The following DLG1 variants were observed in gnomAD, a reference collection of about 807,000 sequenced individuals.
The protein encoded by DLG1 is disks large homolog 1.
DLG1 carries 42 observed loss-of-function variants against 123.4 expected under a neutral mutation model. The ratio of observed to expected loss-of-function variants is 0.34; its 90% confidence interval spans 0.27 to 0.44. The LOEUF is 0.44. DLG1 is among the 20% of genes least tolerant of loss of function. The probability of loss-of-function intolerance (pLI) is 1.00; values close to 1 mark genes in which losing one functional copy is unlikely to be tolerated. For synonymous variants in DLG1, 317 were observed against 356.2 expected (o/e 0.89, Z 1.24); for missense variants, 942 against 1,082.6 (o/e 0.87, Z 1.82).
intron 5 of DLG1, among the ~76,000 whole-genome samples, chr3:197,172,945 C>A (rs1804998100): frequency 6.6e-6 from 1 of 152,148 alleles, no homozygotes. Flanking sequence ...ACTGAGGGCT[C>A]ATATTTAAAA....
chr3:197,221,517 T>G (rs1737026391), intron 4 of DLG1, among the ~76,000 whole-genome samples: 1 of 149,514 alleles, frequency 6.7e-6, no homozygotes, highest in Admixed American at 6.7e-5. Context: ...AGAGTGAGAC[T>G]CCATCTCAAA....
At chr3:197,086,386 T>C (rs929174150) in intron 15 of DLG1, among the ~76,000 whole-genome samples, 1 of 152,216 alleles carries the variant, frequency 6.6e-6, no homozygotes, top group Non-Finnish European at 1.5e-5. Context: ...AAAGAAAATA[T>C]TGTGTGCTAC....
intron 10 of DLG1, among the ~76,000 whole-genome samples, chr3:197,135,336 G>A (rs770208228): frequency 6.6e-6 from 1 of 152,278 alleles, no homozygotes; most frequent in Non-Finnish European, 1.5e-5. Context: ...CACGGAGGTG[G>A]CTCCCCATGA....
intron 24 of DLG1, 143 bp from the exon 25 acceptor site, chr3:197,044,872 GA>G: frequency 4.8e-6 from 2 of 415,902 alleles, no homozygotes; most frequent in Non-Finnish European, 8.4e-6. Flanking sequence ...GTTCACTTAG[GA>G]AAAAAGGCTC....
At chr3:197,052,702 A>G (rs1728747040) in intron 23 of DLG1, among the ~76,000 whole-genome samples, 1 of 152,198 alleles carries the variant, frequency 6.6e-6, no homozygotes, top group Admixed American at 6.5e-5. Flanking sequence ...AACCATATAA[A>G]TAACACCATG....
chr3:197,198,435 C>T (rs1375159692), intron 4 of DLG1, among the ~76,000 whole-genome samples: 4 of 142,848 alleles, frequency 2.8e-5, no homozygotes, highest in Non-Finnish European at 6.0e-5. Context: ...TGCAGTGAGT[C>T]GAGACCAGGC....
chr3:197,183,589 T>G, intron 5 of DLG1: 1 of 1,550,454 alleles, frequency 6.4e-7, no homozygotes, highest in Non-Finnish European at 8.7e-7. Flanking sequence ...GTGGAGCTGG[T>G]GGCTACCGAG....
chr3:197,250,824 T>C (rs1754026561), intron 4 of DLG1, among the ~76,000 whole-genome samples: 1 of 150,688 alleles, frequency 6.6e-6, no homozygotes, highest in African/African-American at 2.4e-5. Context: ...TGAAACCCTG[T>C]CTCTACCAAA....
At chr3:197,229,067 T>C (rs1470565875) in intron 4 of DLG1, among the ~76,000 whole-genome samples, 10 of 152,180 alleles carry the variant, frequency 6.6e-5, no homozygotes, top group Admixed American at 6.5e-4. Flanking sequence ...GAAAAGAGTC[T>C]ACGGGCATCT....
At chr3:197,169,906 T>C (rs1803288395) in intron 5 of DLG1, among the ~76,000 whole-genome samples, 1 of 152,154 alleles carries the variant, frequency 6.6e-6, no homozygotes, top group African/African-American at 2.4e-5. Context: ...ATCTTCTCCC[T>C]CCTCGTACTC....
chr3:197,182,204 A>G (rs1287789145), intron 5 of DLG1, among the ~76,000 whole-genome samples: 1 of 152,192 alleles, frequency 6.6e-6, no homozygotes, highest in Non-Finnish European at 1.5e-5. Flanking sequence ...ATTAATCTAC[A>G]ATGAATAACA....
intron 24 of DLG1, among the ~76,000 whole-genome samples, chr3:197,044,974 T>C (rs1459040442): frequency 6.6e-6 from 1 of 152,172 alleles, no homozygotes; most frequent in African/African-American, 2.4e-5. Context: ...CTTTTGTTCT[T>C]TTACCATCTG....
chr3:197,104,062 C>T (rs1268200773), intron 14 of DLG1, among the ~76,000 whole-genome samples: 2 of 152,094 alleles, frequency 1.3e-5, no homozygotes, highest in African/African-American at 4.8e-5. Flanking sequence ...CATCTAGACA[C>T]ACAGTATACT....
chr3:197,180,331 C>G (rs1263770836), intron 5 of DLG1, among the ~76,000 whole-genome samples: 2 of 152,036 alleles, frequency 1.3e-5, no homozygotes, highest in African/African-American at 4.8e-5. Context: ...AAAAACTGGT[C>G]CCAGATTGGA....
At chr3:197,120,273 G>GAAAAAAAAAAAAAAAA (rs3050713) in intron 11 of DLG1, among the ~76,000 whole-genome samples, 3 of 127,600 alleles carry the variant, frequency 2.4e-5, no homozygotes. Flanking sequence ...TCTCGAGAAA[G>GAAAAAAAAAAAAAAAA]AAAAAAAAAA....
intron 23 of DLG1, among the ~76,000 whole-genome samples, chr3:197,052,687 C>A (rs962243180): frequency 2.6e-5 from 4 of 151,890 alleles, no homozygotes; most frequent in Admixed American, 2.6e-4. Context: ...AATAAGGGGA[C>A]AAACAACCAT....
At chr3:197,057,684 T>C (rs1436048776) in intron 23 of DLG1, among the ~76,000 whole-genome samples, 1 of 152,218 alleles carries the variant, frequency 6.6e-6, no homozygotes, top group African/African-American at 2.4e-5. Flanking sequence ...ACAGGCTTAT[T>C]CTTTGGAGAT....
At chr3:197,241,236 C>T (rs1012887563) in intron 4 of DLG1, among the ~76,000 whole-genome samples, 5 of 151,934 alleles carry the variant, frequency 3.3e-5, no homozygotes, top group South Asian at 2.1e-4. Context: ...CAGGAAGGGA[C>T]AGGAACATTT....
intron 13 of DLG1, among the ~76,000 whole-genome samples, chr3:197,106,979 T>TC (rs1766823604): frequency 6.6e-6 from 1 of 152,188 alleles, no homozygotes; most frequent in African/African-American, 2.4e-5. Flanking sequence ...CAAAATATTT[T>TC]CATTACCCCA....
Sources: allele counts gnomAD v4.1 joint callset (sites outside exome capture counted in the v4.1 genomes callset), GRCh38; gene constraint gnomAD v4.1.1; transcripts MANE v1.5; gene names NCBI Gene and HGNC (gene_info 2026-07-23, HGNC 2026-07-21).